Variants in ENOSF1 observed in about 807,000 individuals in gnomAD.
ENOSF1 encodes enolase superfamily member 1.
Under a neutral mutation model 68.2 loss-of-function variants are expected in ENOSF1, and 73 were observed. The observed-to-expected ratio is 1.07, with a 90% CI of 0.89 to 1.30. ENOSF1 has a LOEUF of 1.30. ENOSF1 is among the 50% of genes most tolerant of loss of function. The pLI is 0.00. For missense variants in ENOSF1, 589 were observed against 554.5 expected (o/e 1.06, Z -0.62); for synonymous variants, 223 against 210.4 (o/e 1.06, Z -0.52).
At chr18:681,394 G>A (rs2076061796) in intron 11 of ENOSF1, among the ~76,000 whole-genome samples, 1 of 152,190 alleles carries the variant, frequency 6.6e-6, no homozygotes, top group Admixed American at 6.5e-5. Context: ...ACCTGGGAGG[G>A]TTAGAGCCCT....
chr18:712,415 A>G lies in ENOSF1; in HGVS notation c.84+89T>C, dbSNP rs531386054. On this transcript the variant is annotated intron_variant, in intron 1 of 15. Transcript: ENST00000647584. ...GCTTACCATGGCGTCCGCGCTTACC[A>G]TGGCGTCCGCGCTTACCATGGCGTC... 554 of 691,102 alleles carry G rather than the reference A, an allele frequency of 8.0e-4. 3 individuals are homozygous for G. The highest frequency in any genetic ancestry group is 1.1e-3 in the Admixed American group (40 of 37,676). 42.8% of individuals were successfully genotyped at this position (691,102 alleles called of 1,614,324 possible).
downstream of ENOSF1, among the ~76,000 whole-genome samples, chr18:666,614 G>A (rs566326756): frequency 2.0e-5 from 3 of 152,318 alleles, no homozygotes; most frequent in Admixed American, 6.5e-5. Context: ...TAAGGGGACA[G>A]TCACATTTCA....
rs141802090 is a variant in ENOSF1 at position 695,252 on chromosome 18, T to G, written c.310-918A>C. Among the ~76,000 whole-genome samples, 156 of 152,372 alleles carry G rather than the reference T, an allele frequency of 1.0e-3. 2 individuals carry two copies. The East Asian group carries it at 0.022, about 22-fold the overall frequency. On this transcript the variant is annotated intron_variant, in intron 3 of 15. Transcript: ENST00000647584. Reference sequence around the variant, plus strand: ...TTGTACAGCATTCCTCAATCTGGGCTGATCTGGAGTTCCTTCATGACTAGA... The same window carrying G: ...TTGTACAGCATTCCTCAATCTGGGCGGATCTGGAGTTCCTTCATGACTAGA...
In ENOSF1 at chr18:674,188, T is replaced by C; in HGVS notation, c.*117A>G. 1 of 710,494 alleles carries C rather than the reference T, an allele frequency of 1.4e-6. No homozygotes were observed. Among genetic ancestry groups the C allele is most frequent in the Non-Finnish European group, 2.4e-6 (1 of 415,668 alleles). 44.0% of individuals were successfully genotyped at this position (710,494 alleles called of 1,614,324 possible). ...AGCTGATTCCTGAGGGTGGTATGACTTCTAGCTGAACTCATCTTGATCGGT... is the reference window on the plus strand; with the variant it reads ...AGCTGATTCCTGAGGGTGGTATGACCTCTAGCTGAACTCATCTTGATCGGT... On this transcript the variant is annotated 3_prime_UTR_variant, in exon 16 of 16. Transcript: ENST00000647584.
At chr18:700,589 A>C (rs2078232614) in intron 2 of ENOSF1, among the ~76,000 whole-genome samples, 1 of 152,114 alleles carries the variant, frequency 6.6e-6, no homozygotes, top group South Asian at 2.1e-4. Context: ...ATTCAATAGA[A>C]ATTTGGGTTG....
At chr18:708,469 G>C (rs984192848) in intron 1 of ENOSF1, among the ~76,000 whole-genome samples, 1 of 152,202 alleles carries the variant, frequency 6.6e-6, no homozygotes, top group Non-Finnish European at 1.5e-5. Flanking sequence ...CCAGGAGTTC[G>C]AGACTAGCCT....
At chr18:681,581 G>A (rs1309774663) in intron 11 of ENOSF1, among the ~76,000 whole-genome samples, 1 of 152,226 alleles carries the variant, frequency 6.6e-6, no homozygotes, top group Non-Finnish European at 1.5e-5. Context: ...ATTGTGGAAT[G>A]ATTCCTCAGA....
chr18:677,253 G>T (rs1314206939), intron 14 of ENOSF1, 92 bp downstream of exon 14: 2 of 1,044,088 alleles, frequency 1.9e-6, no homozygotes, highest in Non-Finnish European at 2.9e-6. Flanking sequence ...CAAGGTCTTA[G>T]TGTGTTCTGG....
In ENOSF1 at chr18:697,449, T is replaced by G. The variant is rs918719352; in HGVS notation, c.194-94A>C. The G allele has an allele frequency of 3.8e-6, 4 of 1,057,144 alleles. No homozygotes were observed. The African/African-American group carries it at 6.4e-5, about 17-fold the overall frequency. 65.5% of individuals were successfully genotyped at this position (1,057,144 alleles called of 1,614,324 possible). On this transcript the variant is annotated intron_variant, in intron 2 of 15. Coordinates refer to ENST00000647584, the MANE Select transcript of ENOSF1 (RefSeq NM_017512.7). Reference sequence around the variant, plus strand: ...TCACAAACAAACAAATGTGAAAGTTTTATGAAAAAATTAAATCTAGGCCAG... The same window carrying G: ...TCACAAACAAACAAATGTGAAAGTTGTATGAAAAAATTAAATCTAGGCCAG...
rs916618125 is a variant in ENOSF1, at chr18:673,512, A to C, written c.*793T>G. 7 of 198,194 alleles carry C rather than the reference A, an allele frequency of 3.5e-5. No homozygotes were observed. Among genetic ancestry groups the C allele is most frequent in the African/African-American group, 1.6e-4 (7 of 43,310 alleles). The allele number at this position is 198,194 out of a possible 1,614,324, so 12.3% of individuals were successfully genotyped here. A position where few individuals can be genotyped will look rare whatever the true frequency, so the allele number is the denominator to read the frequency against. ...TTCTGCATTCGTCCACGCTTTGTTC[A>C]TTCTGTACTGCCACTTATCTGCTCA... On this transcript the variant is annotated 3_prime_UTR_variant, in exon 16 of 16. Coordinates refer to ENST00000647584, the MANE Select transcript of ENOSF1 (RefSeq NM_017512.7).
At chr18:678,188 T>TA in intron 12 of ENOSF1, 1 of 312,172 alleles carries the variant, frequency 3.2e-6, no homozygotes, top group South Asian at 3.5e-5. Context: ...CAGGATGAAA[T>TA]ACGGTGACAG....
chr18:699,478 AAATAATAAT>A (rs147506890), intron 2 of ENOSF1, among the ~76,000 whole-genome samples: 15 of 149,090 alleles, frequency 1.0e-4, no homozygotes, highest in African/African-American at 2.7e-4. Flanking sequence ...GCCCTGTCTC[AAATAATAAT>A]AATAATAATA....
chr18:678,449 C>G, intron 12 of ENOSF1: 1 of 488,904 alleles, frequency 2.0e-6, no homozygotes, highest in East Asian at 3.2e-5. Context: ...GCTGCCTTTT[C>G]AATTTCAATT....
intron 2 of ENOSF1, among the ~76,000 whole-genome samples, chr18:699,259 T>G (rs1388055129): frequency 3.9e-5 from 6 of 151,928 alleles, no homozygotes; most frequent in Admixed American, 2.6e-4. Context: ...CTCAGGAATT[T>G]GAGACCAGCC....
Position 672,131 on chromosome 18 carries a change from CAA to C in ENOSF1, c.*2172_*2173del, listed in dbSNP as rs2075090649. 1 of 152,184 alleles carries C rather than the reference CAA, an allele frequency of 6.6e-6. No homozygotes were observed. The highest frequency in any genetic ancestry group is 2.4e-5 in the African/African-American group (1 of 41,440). The allele number at this position is 152,184 out of a possible 1,614,324, so 9.4% of individuals were successfully genotyped here. Reference sequence around the variant, plus strand: ...AAGTACAATATTTAGGTCCAAACTTCAAAAGTCTGTTGAAATCCCTAAGTTAT... The same window carrying C: ...AAGTACAATATTTAGGTCCAAACTTCAAGTCTGTTGAAATCCCTAAGTTAT... On this transcript the variant is annotated 3_prime_UTR_variant, in exon 16 of 16. Coordinates refer to ENST00000647584, the MANE Select transcript of ENOSF1 (RefSeq NM_017512.7).
At chr18:668,039 C>T (rs2074891536), downstream of ENOSF1, among the ~76,000 whole-genome samples, 1 of 126,382 alleles carries the variant, frequency 7.9e-6, no homozygotes, top group Non-Finnish European at 1.6e-5. Context: ...CCTGGACACA[C>T]TACCCAGTTT....
downstream of ENOSF1, among the ~76,000 whole-genome samples, chr18:668,210 C>T (rs1457261596): frequency 6.6e-6 from 1 of 151,878 alleles, no homozygotes; most frequent in Non-Finnish European, 1.5e-5. Flanking sequence ...AGTTACAGAA[C>T]TACACTACCA....
chr18:676,857 ATCTT>A (rs1425422956), intron 14 of ENOSF1, among the ~76,000 whole-genome samples: 1 of 152,222 alleles, frequency 6.6e-6, no homozygotes. Flanking sequence ...ACTTGCAGTG[ATCTT>A]TCTGTGAGAC....
chr18:675,632 C>A, intron 14 of ENOSF1: 2 of 538,984 alleles, frequency 3.7e-6, no homozygotes, highest in Non-Finnish European at 6.7e-6. Flanking sequence ...CACACGAAGT[C>A]CCTCTAGAGG....
Sources: gnomAD v4.1 joint callset for allele counts (sites outside exome capture counted in the v4.1 genomes callset) on GRCh38, gnomAD v4.1.1 for gene constraint, MANE v1.5 for transcripts, NCBI Gene and HGNC (gene_info 2026-07-23, HGNC 2026-07-21) for gene names.